Variants in LIN9 observed in about 807,000 individuals in gnomAD.
The protein encoded by LIN9 is protein lin-9 homolog.
A neutral mutation model predicts 78.0 loss-of-function variants in LIN9; 18 were observed. The observed-to-expected ratio is 0.23, with a 90% CI of 0.16 to 0.34. The LOEUF (loss-of-function observed/expected upper bound fraction) is 0.34, where lower values mean the gene tolerates loss of function less well. Ranked by LOEUF, LIN9 falls within the 10% of genes least tolerant of loss-of-function variation. LIN9 has a pLI of 1.00. For missense variants in LIN9, 451 were observed against 644.1 expected (o/e 0.70, Z 3.25); for synonymous variants, 192 against 215.2 (o/e 0.89, Z 0.94).
chr1:226,270,452 T>C (rs1660191018), intron 7 of LIN9, among the ~76,000 whole-genome samples: 1 of 152,008 alleles, frequency 6.6e-6, no homozygotes, highest in South Asian at 2.1e-4. Flanking sequence ...TGTAAAGAAG[T>C]AGGAAAGCAT....
At chr1:226,253,496 G>A (rs1658982596) in intron 10 of LIN9, among the ~76,000 whole-genome samples, 1 of 151,366 alleles carries the variant, frequency 6.6e-6, no homozygotes, top group African/African-American at 2.4e-5. Context: ...GTTTTACCAT[G>A]TTGGCCAGGC....
upstream of LIN9, chr1:226,309,186 A>G (rs780848003): frequency 4.8e-6 from 7 of 1,447,980 alleles, no homozygotes; most frequent in Non-Finnish European, 6.4e-6. Flanking sequence ...GCCGCGGTGC[A>G]TTGTGGGGCG....
intron 3 of LIN9, among the ~76,000 whole-genome samples, chr1:226,296,945 G>C (rs902953693): frequency 1.3e-5 from 2 of 152,242 alleles, no homozygotes; most frequent in Admixed American, 6.5e-5. Flanking sequence ...GATCGCTTGA[G>C]CCTGGGAGTT....
At chr1:226,274,311 AC>A (rs926050943) in intron 7 of LIN9, among the ~76,000 whole-genome samples, 1 of 152,174 alleles carries the variant, frequency 6.6e-6, no homozygotes, top group African/African-American at 2.4e-5. Flanking sequence ...AGTCTGAAGA[AC>A]TTTTTTGGCA....
intron 1 of LIN9, among the ~76,000 whole-genome samples, chr1:226,305,332 A>C (rs1027091535): frequency 1.0e-3 from 152 of 150,266 alleles, no homozygotes; most frequent in Non-Finnish European, 1.8e-3. Flanking sequence ...AAAAAAAAAA[A>C]AAAAAAAAAC....
At chr1:226,235,856 A>C (rs1232254422) in intron 12 of LIN9, among the ~76,000 whole-genome samples, 2 of 152,224 alleles carry the variant, frequency 1.3e-5, no homozygotes, top group Non-Finnish European at 2.9e-5. Context: ...ATTAGTTTCT[A>C]ATGTATCCTT....
At chr1:226,240,003 A>C (rs1213474426) in intron 11 of LIN9, among the ~76,000 whole-genome samples, 1 of 152,160 alleles carries the variant, frequency 6.6e-6, no homozygotes, top group Non-Finnish European at 1.5e-5. Flanking sequence ...AGGGAAAGAA[A>C]ACTTTCCTAG....
intron 1 of LIN9, among the ~76,000 whole-genome samples, chr1:226,305,825 G>A (rs550588645): frequency 1.3e-5 from 2 of 152,150 alleles, no homozygotes; most frequent in African/African-American, 4.8e-5. Flanking sequence ...GTAACAGGAG[G>A]ATGACATACA....
At chr1:226,284,250 TTC>T (rs1661262004) in intron 6 of LIN9, among the ~76,000 whole-genome samples, 1 of 152,176 alleles carries the variant, frequency 6.6e-6, no homozygotes, top group Admixed American at 6.5e-5. Flanking sequence ...GGATTTTCTT[TTC>T]TTTTTCATTC....
chr1:226,250,325 T>C (rs1658753572), intron 11 of LIN9, among the ~76,000 whole-genome samples: 1 of 152,178 alleles, frequency 6.6e-6, no homozygotes, highest in African/African-American at 2.4e-5. Context: ...TCTGAAACAT[T>C]TTTTATAACC....
At chr1:226,279,931 T>C (rs1660935606) in intron 6 of LIN9, among the ~76,000 whole-genome samples, 1 of 152,182 alleles carries the variant, frequency 6.6e-6, no homozygotes, top group African/African-American at 2.4e-5. Flanking sequence ...TTTGATGAAA[T>C]TGTGCCTGGA....
rs745670427 is a variant in LIN9, at chr1:226,233,303, G to T, written c.1425+41C>A. The T allele has an allele frequency of 3.2e-6, 5 of 1,558,748 alleles. No homozygotes were observed. In the Admixed American group the frequency reaches 9.0e-5, roughly 28 times the overall value. ...TCTTAGCAACAAATTAGCGTGGGTTGCTTTGTGTCAAATTAAGAAAATATT... is the reference window on the plus strand; with the variant it reads ...TCTTAGCAACAAATTAGCGTGGGTTTCTTTGTGTCAAATTAAGAAAATATT... On this transcript the variant is annotated intron_variant, in intron 13 of 14. Coordinates refer to ENST00000681046, the MANE Select transcript of LIN9 (RefSeq NM_001366245.2).
chr1:226,254,616 A>C (rs1333201325), intron 10 of LIN9, among the ~76,000 whole-genome samples: 1 of 152,150 alleles, frequency 6.6e-6, no homozygotes, highest in African/African-American at 2.4e-5. Context: ...TACTTAAAAA[A>C]ATCAATGACA....
intron 11 of LIN9, among the ~76,000 whole-genome samples, chr1:226,242,354 G>A (rs1314415885): frequency 1.3e-5 from 2 of 152,094 alleles, no homozygotes; most frequent in Non-Finnish European, 2.9e-5. Context: ...TCAAATCAGT[G>A]GGAAAGGATG....
intron 11 of LIN9, 28 bp from the exon 12 acceptor site, chr1:226,239,124 G>GT (rs1167954513): frequency 2.5e-6 from 4 of 1,605,572 alleles, no homozygotes; most frequent in Non-Finnish European, 3.4e-6. Context: ...TCAGATCTTG[G>GT]TAAGAGTTTG....
rs182792344 is a variant in LIN9 at position 226,236,780 on chromosome 1, T to C, written c.1245+2191A>G. Among the ~76,000 whole-genome samples the C allele has an allele frequency of 2.0e-5, 3 of 152,260 alleles. No homozygotes were observed. In the East Asian group the frequency reaches 5.8e-4, roughly 29 times the overall value. On this transcript the variant is annotated intron_variant, in intron 12 of 14. Transcript: ENST00000681046. ...CGTGTCTGACTTTATTTGTTCCACA[T>C]TGTGTTTGTGAGATCCATCTATGGC... is the stretch of plus-strand genomic sequence containing the variant.
intron 12 of LIN9, among the ~76,000 whole-genome samples, chr1:226,235,244 C>G (rs998135361): frequency 1.3e-5 from 2 of 150,218 alleles, no homozygotes. Context: ...ATCGCTTGAA[C>G]CCCGGAGGCA....
chr1:226,294,734 A>G (rs1662024923), intron 4 of LIN9, among the ~76,000 whole-genome samples: 1 of 152,188 alleles, frequency 6.6e-6, no homozygotes, highest in African/African-American at 2.4e-5. Context: ...TGAATAAGAC[A>G]AAAATTACAT....
At chr1:226,253,265 CA>C (rs60102894) in intron 10 of LIN9, among the ~76,000 whole-genome samples, 107 of 118,436 alleles carry the variant, frequency 9.0e-4, no homozygotes, top group Middle Eastern at 4.4e-3. Context: ...AACCCTGTCT[CA>C]AAAAAAAAAA....
Sources: allele counts gnomAD v4.1 joint callset (sites outside exome capture counted in the v4.1 genomes callset), GRCh38; gene constraint gnomAD v4.1.1; transcripts MANE v1.5; gene names NCBI Gene and HGNC (gene_info 2026-07-23, HGNC 2026-07-21).